NTMT2: variants seen among roughly 807,000 people sequenced by gnomAD.
The protein encoded by NTMT2 is X-Pro-Lys N-terminal protein methyltransferase 1B.
NTMT2 carries 21 observed loss-of-function variants against 23.4 expected under a neutral mutation model. The observed-to-expected ratio is 0.90, with a 90% CI of 0.64 to 1.29. The LOEUF is 1.29. Among genes scored for constraint, NTMT2 ranks in the 50% most tolerant of loss-of-function variants. The pLI, the probability that NTMT2 is intolerant of heterozygous loss-of-function variation, is 0.00. For missense variants in NTMT2, 336 were observed against 352.0 expected, an observed-to-expected ratio of 0.95 and a Z score of 0.36; for synonymous variants, 131 against 127.7, an observed-to-expected ratio of 1.03 and a Z score of -0.17.
intron 1 of NTMT2, among the ~76,000 whole-genome samples, chr1:170,152,387 A>G (rs985459852): frequency 1.3e-5 from 2 of 152,178 alleles, no homozygotes; most frequent in African/African-American, 4.8e-5. Context: ...AGAGAGTTCA[A>G]GAAAGAAGAG....
rs1334074887 is a variant in NTMT2, at chr1:170,167,682, G to A, written c.777G>A (p.Gln259=). 6.4e-7 allele frequency: 1 copy of A among 1,551,542 alleles called. No homozygotes were observed. Among genetic ancestry groups the A allele is most frequent in the Non-Finnish European group, 8.7e-7 (1 of 1,146,990 alleles). The part of the protein sequence containing the change: ...IRKSGLVVLG[Q]EKQDGFPEQC... ...AGAGTGGGCTGGTGGTGCTGGGCCAGGAGAAGCAGGATGGCTTCCCAGAGC... is the reference window on the plus strand; with the variant it reads ...AGAGTGGGCTGGTGGTGCTGGGCCAAGAGAAGCAGGATGGCTTCCCAGAGC... The change falls in exon 4 of 4, where the codon CAG becomes CAA. Residue 259 remains glutamine (Q), a synonymous_variant. Transcript: ENST00000439373.
intron 1 of NTMT2, 51 bp from the exon 2 acceptor site, chr1:170,160,467 A>AT (rs928294868): frequency 1.3e-4 from 173 of 1,377,818 alleles, no homozygotes; most frequent in Non-Finnish European, 1.6e-4. Context: ...TAAAGCTGAG[A>AT]TTTTTTTATC....
Position 170,167,688 on chromosome 1 carries a change from G to A in NTMT2, c.783G>A (p.Lys261=), listed in dbSNP as rs1282063188. Residue 261 remains lysine (K), a synonymous_variant, in exon 4 of 4, where the codon AAG becomes AAA. Transcript: ENST00000439373. ...KSGLVVLGQE[K]QDGFPEQCIP... ...GGCTGGTGGTGCTGGGCCAGGAGAA[G>A]CAGGATGGCTTCCCAGAGCAGTGCA... 6.4e-7 allele frequency: 1 copy of A among 1,551,650 alleles called. No individual in the cohort carries two copies. The highest frequency in any genetic ancestry group is 8.7e-7 in the Non-Finnish European group (1 of 1,146,998).
chr1:170,152,255 T>C (rs530743344), intron 1 of NTMT2, among the ~76,000 whole-genome samples: 56 of 152,322 alleles, frequency 3.7e-4, no homozygotes, highest in African/African-American at 1.3e-3. Context: ...GAGACCACTA[T>C]AAAATTCTAC....
chr1:170,157,976 A>G (rs1449948417), intron 1 of NTMT2: 1 of 152,120 alleles, frequency 6.6e-6, no homozygotes, highest in Non-Finnish European at 1.5e-5. Flanking sequence ...CAGATCTGAT[A>G]CATATCTGTC....
At chr1:170,165,467 C>T (rs1428979663) in intron 2 of NTMT2, among the ~76,000 whole-genome samples, 1 of 152,148 alleles carries the variant, frequency 6.6e-6, no homozygotes, top group African/African-American at 2.4e-5. Flanking sequence ...GCCAAAACTA[C>T]CCTTTATCCA....
chr1:170,146,515 G>A (rs1005897295), intron 1 of NTMT2, among the ~76,000 whole-genome samples: 6 of 152,028 alleles, frequency 3.9e-5, no homozygotes, highest in African/African-American at 7.2e-5. Context: ...TGCTTCTCTG[G>A]GTGTCTGTTG....
chr1:170,158,828 A>C (rs1394458008), intron 1 of NTMT2, among the ~76,000 whole-genome samples: 2 of 151,960 alleles, frequency 1.3e-5, no homozygotes, highest in Non-Finnish European at 2.9e-5. Flanking sequence ...ATTTATAAGA[A>C]TTCTTTATTG....
chr1:170,152,119 C>G (rs1169127816), intron 1 of NTMT2, among the ~76,000 whole-genome samples: 1 of 152,076 alleles, frequency 6.6e-6, no homozygotes, highest in Non-Finnish European at 1.5e-5. Context: ...GAAGGCCCAT[C>G]AAGAAGTTAG....
Position 170,166,651 on chromosome 1 carries a change from G to A in NTMT2, c.480G>A (p.Gln160=). The change falls in exon 3 of 4, where the codon CAG becomes CAA. Residue 160 remains glutamine, a synonymous_variant. Transcript: ENST00000439373. ...SFLLEAQNYL[Q]VKGDKVESYH... ...TCCTTGAAGCCCAGAACTACCTGCA[G>A]GTCAAAGGTGACAAAGTAGAAAGCT... 1.3e-6 allele frequency: 2 copies of A among 1,552,144 alleles called. No individual in the cohort carries two copies. Among genetic ancestry groups the A allele is most frequent in the Non-Finnish European group, 1.7e-6 (2 of 1,147,070 alleles).
At chr1:170,148,297 C>G (rs1056604901) in intron 1 of NTMT2, among the ~76,000 whole-genome samples, 2 of 151,388 alleles carry the variant, frequency 1.3e-5, no homozygotes, top group Admixed American at 1.3e-4. Context: ...TACAGTCCCC[C>G]GCTACCATGC....
chr1:170,168,215 C>T lies in NTMT2; in HGVS notation c.*458C>T, dbSNP rs1571830088. 8.0e-6 allele frequency among the ~76,000 whole-genome samples: 1 copy of T among 124,452 alleles called. No individual in the cohort carries two copies. The highest frequency in any genetic ancestry group is 2.5e-4 in the South Asian group (1 of 4,018). 81.6% of individuals were successfully genotyped at this position (124,452 alleles called of 152,430 possible). The stretch of plus-strand genomic sequence containing the variant: ...AAATAATTTAGCTTTGGGGGTTGTT[C>T]AGATAAAGCATTTGTCTACTCAAAC... On this transcript the variant is annotated 3_prime_UTR_variant, in exon 4 of 4. Coordinates refer to ENST00000439373, the MANE Select transcript of NTMT2 (RefSeq NM_001136107.2).
intron 1 of NTMT2, among the ~76,000 whole-genome samples, chr1:170,150,863 T>G (rs922338333): frequency 1.3e-5 from 2 of 152,162 alleles, no homozygotes; most frequent in African/African-American, 4.8e-5. Context: ...ATCTCCAGTG[T>G]GTATACCAGT....
intron 1 of NTMT2, among the ~76,000 whole-genome samples, chr1:170,154,241 G>T (rs557688299): frequency 6.6e-6 from 1 of 152,284 alleles, no homozygotes; most frequent in South Asian, 2.1e-4. Context: ...GCAGAAGCCT[G>T]TTGCAAAGGT....
chr1:170,168,325 G>T lies in NTMT2; in HGVS notation c.*568G>T, dbSNP rs1205584522. ...ATAATTAGTATTATAGAGTATTCTG[G>T]TGGGGGTGGGGGTAGGAGAAAATCT... On this transcript the variant is annotated 3_prime_UTR_variant, in exon 4 of 4. Coordinates refer to ENST00000439373, the MANE Select transcript of NTMT2 (RefSeq NM_001136107.2). 6.7e-6 allele frequency among the ~76,000 whole-genome samples: 1 copy of T among 149,236 alleles called. No homozygotes were observed. The highest frequency in any genetic ancestry group is 1.5e-5 in the Non-Finnish European group (1 of 67,286).
intron 1 of NTMT2, among the ~76,000 whole-genome samples, chr1:170,147,807 A>T (rs572894735): frequency 3.7e-4 from 56 of 152,344 alleles, no homozygotes; most frequent in African/African-American, 1.3e-3. Context: ...AAGATGAGTT[A>T]AAAAGTTGAA....
chr1:170,150,237 G>A (rs1353820618), intron 1 of NTMT2, among the ~76,000 whole-genome samples: 1 of 152,136 alleles, frequency 6.6e-6, no homozygotes, highest in Non-Finnish European at 1.5e-5. Context: ...ATTCAGTCAT[G>A]GGGAAATTTG....
At chr1:170,164,839 A>ATAATC (rs1187017926) in intron 2 of NTMT2, among the ~76,000 whole-genome samples, 2 of 152,212 alleles carry the variant, frequency 1.3e-5, no homozygotes, top group African/African-American at 4.8e-5. Flanking sequence ...AATGAGGATA[A>ATAATC]TAATCTATAT....
chr1:170,166,806 C>T, intron 3 of NTMT2, 55 bp downstream of exon 3: 1 of 1,537,810 alleles, frequency 6.5e-7, no homozygotes, highest in African/African-American at 1.4e-5. Context: ...CCAGAGAAGA[C>T]AGTCCTTGGG....
Sources: allele counts gnomAD v4.1 joint callset (sites outside exome capture counted in the v4.1 genomes callset), GRCh38; gene constraint gnomAD v4.1.1; transcripts MANE v1.5; gene names NCBI Gene and HGNC (gene_info 2026-07-23, HGNC 2026-07-21).